The following GRIK2 variants were observed in gnomAD, a reference collection of about 807,000 sequenced individuals.
GRIK2 encodes glutamate ionotropic receptor kainate type subunit 2, also known as glutamate receptor ionotropic, kainate 2.
Under a neutral mutation model 100.3 loss-of-function variants are expected in GRIK2, and 32 were observed. The observed-to-expected ratio is 0.32, with a 90% CI of 0.24 to 0.43. GRIK2 has a LOEUF of 0.43. Ranked by LOEUF, GRIK2 falls within the 20% of genes least tolerant of loss-of-function variation. The probability of loss-of-function intolerance (pLI) is 1.00; values close to 1 mark genes in which losing one functional copy is unlikely to be tolerated. For synonymous variants in GRIK2, 417 were observed against 389.4 expected (o/e 1.07, Z -0.83); for missense variants, 843 against 1,114.9 (o/e 0.76, Z 3.47).
intron 7 of GRIK2, among the ~76,000 whole-genome samples, chr6:101,691,622 A>T (rs1365362857): frequency 3.3e-5 from 5 of 152,078 alleles, no homozygotes; most frequent in African/African-American, 1.2e-4. Flanking sequence ...CTTTTGATTA[A>T]ATAGTGAAAG....
chr6:101,974,688 A>G (rs1793260979), intron 14 of GRIK2, among the ~76,000 whole-genome samples: 1 of 151,914 alleles, frequency 6.6e-6, no homozygotes, highest in African/African-American at 2.4e-5. Context: ...ATCAAGGACA[A>G]TCTCCTTTAC....
chr6:101,969,705 T>C (rs2128485456), intron 14 of GRIK2, among the ~76,000 whole-genome samples: 1 of 152,220 alleles, frequency 6.6e-6, no homozygotes, highest in East Asian at 1.9e-4. Context: ...CATTAATCTT[T>C]GTAGATGAAA....
At chr6:101,614,346 TATAA>T (rs973658361) in intron 2 of GRIK2, among the ~76,000 whole-genome samples, 19 of 151,714 alleles carry the variant, frequency 1.3e-4, no homozygotes, top group East Asian at 3.9e-4. Flanking sequence ...CAAACAATTG[TATAA>T]ATAAACACTC....
chr6:101,682,432 G>A (rs2128342378), intron 5 of GRIK2, 121 bp from the exon 6 acceptor site: 1 of 653,946 alleles, frequency 1.5e-6, no homozygotes. Context: ...CTAATTGTAT[G>A]TAACATGAAT....
intron 14 of GRIK2, chr6:101,993,463 A>G (rs1011480461): frequency 1.3e-5 from 2 of 151,426 alleles, no homozygotes; most frequent in Non-Finnish European, 3.0e-5. Flanking sequence ...ATGGTAAACT[A>G]TATTTCCAGG....
intron 6 of GRIK2, among the ~76,000 whole-genome samples, chr6:101,685,132 ACTT>A (rs770539372): frequency 7.2e-5 from 11 of 151,964 alleles, no homozygotes; most frequent in Non-Finnish European, 1.0e-4. Flanking sequence ...CTTGCTTCTG[ACTT>A]CTTTTGCATT....
intron 7 of GRIK2, among the ~76,000 whole-genome samples, chr6:101,757,410 G>A (rs1034638081): frequency 2.0e-5 from 3 of 152,018 alleles, no homozygotes; most frequent in African/African-American, 7.2e-5. Flanking sequence ...AACAAAATTG[G>A]ACAATTATAC....
Position 101,794,332 on chromosome 6 carries a change from G to C in GRIK2, c.952-5316G>C, listed in dbSNP as rs140939693. Among the ~76,000 whole-genome samples the C allele has an allele frequency of 6.7e-3, 1,013 of 152,116 alleles. 12 individuals carry two copies. The highest frequency in any genetic ancestry group is 0.023 in the African/African-American group (959 of 41,490). On this transcript the variant is annotated intron_variant, in intron 7 of 16. Transcript: ENST00000369134. The stretch of plus-strand genomic sequence containing the variant: ...ACGCTGGGAGCTGTAGACCGGAGCT[G>C]TTCCTATTCGGTCATCTTGGCTTCT...
chr6:101,463,322 T>C (rs1209243403), intron 2 of GRIK2, among the ~76,000 whole-genome samples: 1 of 152,212 alleles, frequency 6.6e-6, no homozygotes, highest in Non-Finnish European at 1.5e-5. Flanking sequence ...ACTTAATAAA[T>C]GCCTTATGAT....
rs142712989 is a variant in GRIK2 at position 101,537,229 on chromosome 6, C to A, written c.116-84720C>A. ...GAATTCATATTAAATATTATTCTTT[C>A]AATAAACACTGAAAAGGAAATTGTA... is the stretch of plus-strand genomic sequence containing the variant. On this transcript the variant is annotated intron_variant, in intron 2 of 16. Transcript: ENST00000369134. Among the ~76,000 whole-genome samples, 915 of 151,752 alleles carry A rather than the reference C, an allele frequency of 6.0e-3. 7 individuals are homozygous for A. Among genetic ancestry groups the A allele is most frequent in the South Asian group, 0.03 (144 of 4,822 alleles).
chr6:101,439,423 A>G (rs1769922676), intron 2 of GRIK2, among the ~76,000 whole-genome samples: 1 of 152,082 alleles, frequency 6.6e-6, no homozygotes, highest in South Asian at 2.1e-4. Flanking sequence ...GTATTATCTC[A>G]ATTATCTCAT....
At chr6:101,871,606 A>G (rs937294437) in intron 11 of GRIK2, among the ~76,000 whole-genome samples, 8 of 151,864 alleles carry the variant, frequency 5.3e-5, no homozygotes, top group East Asian at 1.9e-4. Flanking sequence ...TTTAGCTCCC[A>G]TTATAAGTGA....
At chr6:101,955,449 C>A (rs185096995) in intron 14 of GRIK2, among the ~76,000 whole-genome samples, 1 of 152,010 alleles carries the variant, frequency 6.6e-6, no homozygotes, top group East Asian at 1.9e-4. Flanking sequence ...TCCAGGAGTT[C>A]AAAGCTACCA....
chr6:101,755,936 C>T (rs1383447091), intron 7 of GRIK2, among the ~76,000 whole-genome samples: 1 of 152,048 alleles, frequency 6.6e-6, no homozygotes, highest in Admixed American at 6.6e-5. Context: ...TGTTGAACGC[C>T]AAGACTTTAA....
At chr6:102,031,551 TAC>T (rs1770000667) in intron 14 of GRIK2, among the ~76,000 whole-genome samples, 1 of 151,228 alleles carries the variant, frequency 6.6e-6, no homozygotes, top group Admixed American at 6.6e-5. Flanking sequence ...AGGTTTGAGG[TAC>T]AGTTGATCAT....
chr6:101,574,073 T>C (rs1261061050), intron 2 of GRIK2, among the ~76,000 whole-genome samples: 1 of 151,636 alleles, frequency 6.6e-6, no homozygotes, highest in Non-Finnish European at 1.5e-5. Flanking sequence ...ATTTTAGGTC[T>C]TGATTGTATT....
intron 14 of GRIK2, among the ~76,000 whole-genome samples, chr6:101,995,206 A>T (rs1794589295): frequency 6.6e-6 from 1 of 151,922 alleles, no homozygotes; most frequent in South Asian, 2.1e-4. Flanking sequence ...TGCTTGATGG[A>T]AACTGAGTCA....
intron 4 of GRIK2, among the ~76,000 whole-genome samples, chr6:101,627,190 G>A (rs139752560): frequency 2.0e-4 from 30 of 151,664 alleles, no homozygotes; most frequent in African/African-American, 7.0e-4. Context: ...CGCCCAGGCT[G>A]GCATACAAGG....
At chr6:101,981,895 AAGAT>A (rs1049321479) in intron 14 of GRIK2, among the ~76,000 whole-genome samples, 1 of 151,986 alleles carries the variant, frequency 6.6e-6, no homozygotes, top group Admixed American at 6.6e-5. Context: ...GAGCAGATGA[AAGAT>A]AGAAGTGCAT....
Sources: allele counts gnomAD v4.1 joint callset (sites outside exome capture counted in the v4.1 genomes callset), GRCh38; gene constraint gnomAD v4.1.1; transcripts MANE v1.5; gene names NCBI Gene and HGNC (gene_info 2026-07-23, HGNC 2026-07-21).